KCNAB1: variants seen among roughly 807,000 people sequenced by gnomAD.
KCNAB1 encodes potassium voltage-gated channel subfamily A regulatory beta subunit 1.
Under a neutral mutation model 64.6 loss-of-function variants are expected in KCNAB1, and 35 were observed. The observed-to-expected ratio is 0.54, with a 90% CI of 0.41 to 0.72. KCNAB1 has a LOEUF of 0.72. Among genes scored for constraint, KCNAB1 ranks in the 30% least tolerant of loss-of-function variants. The probability of loss-of-function intolerance (pLI) is 0.00; values close to 1 mark genes in which losing one functional copy is unlikely to be tolerated. For missense variants in KCNAB1, 401 were observed against 512.9 expected (o/e 0.78, Z 2.11); for synonymous variants, 177 against 183.8 (o/e 0.96, Z 0.30).
chr3:156,166,530 T>TAC (rs57754528), intron 1 of KCNAB1, among the ~76,000 whole-genome samples: 4,821 of 148,890 alleles, frequency 0.032, 259 homozygotes, highest in African/African-American at 0.11. Flanking sequence ...AATACATATA[T>TAC]ACACACACAC....
chr3:156,423,881 A>T (rs191927786), intron 2 of KCNAB1, among the ~76,000 whole-genome samples: 1 of 152,222 alleles, frequency 6.6e-6, no homozygotes, highest in Admixed American at 6.5e-5. Context: ...GATAGGATCA[A>T]TAAAGTATAT....
chr3:156,528,581 T>C (rs1381829906), intron 12 of KCNAB1, among the ~76,000 whole-genome samples: 1 of 152,164 alleles, frequency 6.6e-6, no homozygotes, highest in African/African-American at 2.4e-5. Context: ...GGAAGTACTT[T>C]AGGAGCAGGC....
intron 1 of KCNAB1, among the ~76,000 whole-genome samples, chr3:156,248,653 G>T (rs1247235090): frequency 6.6e-6 from 1 of 152,044 alleles, no homozygotes; most frequent in Non-Finnish European, 1.5e-5. Flanking sequence ...AAATGACAAT[G>T]GAGGCCCATG....
intron 1 of KCNAB1, among the ~76,000 whole-genome samples, chr3:156,367,421 T>G (rs1726018749): frequency 6.6e-6 from 1 of 151,956 alleles, no homozygotes; most frequent in Non-Finnish European, 1.5e-5. Flanking sequence ...GACTTCATGA[T>G]CTACCCGCCT....
At chr3:156,413,105 G>A (rs1052284539) in intron 1 of KCNAB1, among the ~76,000 whole-genome samples, 3 of 152,154 alleles carry the variant, frequency 2.0e-5, no homozygotes, top group Non-Finnish European at 4.4e-5. Context: ...CAAACACTTG[G>A]GACCTGGGAC....
intron 1 of KCNAB1, among the ~76,000 whole-genome samples, chr3:156,322,866 C>G (rs776245006): frequency 6.6e-6 from 1 of 152,202 alleles, no homozygotes; most frequent in South Asian, 2.1e-4. Flanking sequence ...GCCTAATGAG[C>G]CTCTTAGCCC....
At chr3:156,183,452 G>A (rs1212711413) in intron 1 of KCNAB1, among the ~76,000 whole-genome samples, 3 of 152,222 alleles carry the variant, frequency 2.0e-5, no homozygotes, top group Admixed American at 6.5e-5. Context: ...CTGAAAGAAT[G>A]GGGACACTCC....
intron 1 of KCNAB1, among the ~76,000 whole-genome samples, chr3:156,257,504 T>C (rs1401194000): frequency 6.6e-6 from 1 of 152,174 alleles, no homozygotes; most frequent in African/African-American, 2.4e-5. Flanking sequence ...CTGTTCTATG[T>C]CCAGAGCCCT....
intron 11 of KCNAB1, among the ~76,000 whole-genome samples, chr3:156,521,834 A>G (rs1445542313): frequency 1.3e-5 from 2 of 152,066 alleles, no homozygotes; most frequent in Non-Finnish European, 2.9e-5. Flanking sequence ...AGCAGTATAA[A>G]AACTATGCAT....
chr3:156,230,724 G>A (rs1297575623), intron 1 of KCNAB1, among the ~76,000 whole-genome samples: 1 of 152,218 alleles, frequency 6.6e-6, no homozygotes, highest in Non-Finnish European at 1.5e-5. Flanking sequence ...TAGGAATGCA[G>A]GGAGTGGTTT....
chr3:156,372,163 TG>T (rs1726347217), intron 1 of KCNAB1, among the ~76,000 whole-genome samples: 1 of 152,172 alleles, frequency 6.6e-6, no homozygotes, highest in Admixed American at 6.6e-5. Flanking sequence ...CAACATACTG[TG>T]CAACACAGAA....
chr3:156,156,538 C>A (rs2108301973), intron 1 of KCNAB1, among the ~76,000 whole-genome samples: 1 of 152,240 alleles, frequency 6.6e-6, no homozygotes, highest in East Asian at 1.9e-4. Flanking sequence ...GATTCTGGAA[C>A]TGTTATAAAA....
chr3:156,397,934 T>C (rs529157914), intron 1 of KCNAB1, among the ~76,000 whole-genome samples: 1 of 152,370 alleles, frequency 6.6e-6, no homozygotes, highest in African/African-American at 2.4e-5. Flanking sequence ...ATGGATGGTT[T>C]GTACTATAGT....
chr3:156,344,114 AC>A (rs1724321494), intron 1 of KCNAB1, among the ~76,000 whole-genome samples: 1 of 152,082 alleles, frequency 6.6e-6, no homozygotes, highest in African/African-American at 2.4e-5. Flanking sequence ...GGCCACAGAT[AC>A]CCCACCCCCA....
intron 1 of KCNAB1, among the ~76,000 whole-genome samples, chr3:156,364,804 C>CA (rs532059977): frequency 2.6e-4 from 39 of 151,404 alleles, no homozygotes; most frequent in Middle Eastern, 3.4e-3. Flanking sequence ...AACAAACAAA[C>CA]AAAAAAAACA....
At chr3:156,127,953 C>G (rs1476546281) in intron 1 of KCNAB1, among the ~76,000 whole-genome samples, 1 of 150,336 alleles carries the variant, frequency 6.7e-6, no homozygotes, top group Non-Finnish European at 1.5e-5. Flanking sequence ...TTCTGAATAA[C>G]TGTGGACACC....
At chr3:156,377,327 C>T (rs3772250) in intron 1 of KCNAB1, among the ~76,000 whole-genome samples, 44,553 of 151,956 alleles carry the variant, frequency 0.29, 8,956 homozygotes, top group African/African-American at 0.58. Context: ...CACAAGCCTA[C>T]CTGTGAGTTA....
At chr3:156,386,130 TTAGAG>T in intron 1 of KCNAB1, among the ~76,000 whole-genome samples, 1 of 152,208 alleles carries the variant, frequency 6.6e-6, no homozygotes, top group South Asian at 2.1e-4. Flanking sequence ...GAGGCAAACT[TTAGAG>T]TAGGAGTGGA....
chr3:156,135,957 A>G (rs926660405), intron 1 of KCNAB1, among the ~76,000 whole-genome samples: 7 of 152,206 alleles, frequency 4.6e-5, no homozygotes, highest in Admixed American at 2.6e-4. Context: ...ATAATCTCTC[A>G]TTTCTCTTTA....
Sources: gnomAD v4.1 joint callset for allele counts (sites outside exome capture counted in the v4.1 genomes callset) on GRCh38, gnomAD v4.1.1 for gene constraint, MANE v1.5 for transcripts, NCBI Gene and HGNC (gene_info 2026-07-23, HGNC 2026-07-21) for gene names.